Variants in RTF1 observed in about 807,000 individuals in gnomAD.
RTF1 encodes the protein RTF1 homolog, Paf1/RNA polymerase II complex component, also known as RNA polymerase-associated protein RTF1 homolog.
A neutral mutation model predicts 95.7 loss-of-function variants in RTF1; 10 were observed. That is an observed-to-expected ratio of 0.10 (90% CI 0.06 to 0.18). The LOEUF (loss-of-function observed/expected upper bound fraction) is 0.18. RTF1 is among the 10% of genes least tolerant of loss of function. RTF1 has a pLI of 1.00. For synonymous variants in RTF1, 305 were observed against 311.8 expected, an observed-to-expected ratio of 0.98 and a Z score of 0.23; for missense variants, 458 against 875.6, an observed-to-expected ratio of 0.52 and a Z score of 6.02.
chr15:41,436,379 C>T (rs2050702542), intron 1 of RTF1, among the ~76,000 whole-genome samples: 1 of 151,068 alleles, frequency 6.6e-6, no homozygotes, highest in African/African-American at 2.4e-5. Context: ...ATGGTGTGAA[C>T]CCGGGAGGCC....
At chr15:41,470,142 T>C in intron 6 of RTF1, 115 bp from the exon 7 acceptor site, 1 of 1,102,256 alleles carries the variant, frequency 9.1e-7, no homozygotes, top group African/African-American at 1.6e-5. Flanking sequence ...CACAATCCAG[T>C]CTAGAGAGGA....
At chr15:41,473,599 G>C (rs897962231) in intron 8 of RTF1, among the ~76,000 whole-genome samples, 1 of 152,056 alleles carries the variant, frequency 6.6e-6, no homozygotes, top group Non-Finnish European at 1.5e-5. Flanking sequence ...ATCTCGCCCT[G>C]TTGCCCAGGC....
chr15:41,423,428 A>C (rs545534727), intron 1 of RTF1, among the ~76,000 whole-genome samples: 1 of 140,324 alleles, frequency 7.1e-6, no homozygotes, highest in Non-Finnish European at 1.5e-5. Context: ...GCTGGAGAGC[A>C]ATGGCACGCT....
chr15:41,478,694 A>C (rs2140658055), intron 15 of RTF1, 69 bp downstream of exon 15: 1 of 1,265,438 alleles, frequency 7.9e-7, no homozygotes, highest in Admixed American at 1.7e-5. Flanking sequence ...TCCATTAGGA[A>C]ATTAATAATG....
intron 6 of RTF1, among the ~76,000 whole-genome samples, chr15:41,469,356 CTCTT>C (rs1054922632): frequency 3.3e-5 from 5 of 151,616 alleles, no homozygotes; most frequent in Middle Eastern, 3.4e-3. Context: ...AGTTTTCTCT[CTCTT>C]TTTTTTTTAG....
At chr15:41,460,661 G>A (rs2050842817) in intron 4 of RTF1, among the ~76,000 whole-genome samples, 1 of 151,972 alleles carries the variant, frequency 6.6e-6, no homozygotes, top group South Asian at 2.1e-4. Context: ...TTACGTGAAT[G>A]AGACAGTTGA....
At chr15:41,465,724 A>G (rs2050877420) in intron 5 of RTF1, among the ~76,000 whole-genome samples, 2 of 152,156 alleles carry the variant, frequency 1.3e-5, no homozygotes, top group Non-Finnish European at 2.9e-5. Context: ...CCAGATGCTT[A>G]TGATGTTTAC....
At chr15:41,431,346 C>T (rs2050671593) in intron 1 of RTF1, among the ~76,000 whole-genome samples, 1 of 151,440 alleles carries the variant, frequency 6.6e-6, no homozygotes, top group African/African-American at 2.4e-5. Flanking sequence ...TCCCAAGTAG[C>T]TGGGATTACA....
Position 41,480,615 on chromosome 15 carries a change from G to A in RTF1, c.2061G>A (p.Pro687=), listed in dbSNP as rs202008270. The change falls in exon 18 of 18, where the codon CCG becomes CCA. Residue 687 remains proline (P), a synonymous_variant. Transcript: ENST00000389629. ...SKALAITSKA[P]PAKDGAPRRS... ...CTTTAGCCATCACCTCCAAGGCTCC[G>A]CCAGCCAAGGATGGGGCTCCAAGGA... 1.0e-4 allele frequency: 165 copies of A among 1,614,010 alleles called. No homozygotes were observed. The East Asian group carries it at 1.2e-3, about 12-fold the overall frequency.
At chr15:41,473,740 CT>C (rs2050927729) in intron 8 of RTF1, among the ~76,000 whole-genome samples, 1 of 150,574 alleles carries the variant, frequency 6.6e-6, no homozygotes, top group Non-Finnish European at 1.5e-5. Context: ...TTTTTTTTTT[CT>C]TTTTTGTAGA....
At position 41,437,278 on chromosome 15, in the gene RTF1, G is replaced by A. The variant is rs148984591; in HGVS notation, c.199-1043G>A. Among the ~76,000 whole-genome samples, 580 of 151,142 alleles carry A rather than the reference G, an allele frequency of 3.8e-3. 17 individuals are homozygous for A. Among genetic ancestry groups the A allele is most frequent in the Admixed American group, 0.029 (432 of 15,130 alleles). On this transcript the variant is annotated intron_variant, in intron 1 of 17. Transcript: ENST00000389629. ...TGGGATGCCAAGGCGGGCGGATCAC[G>A]AGGTCAGGAGATCGAGAGCATCCTG...
intron 9 of RTF1, 90 bp from the exon 10 acceptor site, chr15:41,475,425 AATAGGTATAT>A: frequency 8.1e-6 from 7 of 862,860 alleles, no homozygotes; most frequent in Middle Eastern, 2.3e-4. Flanking sequence ...GAACCACTGC[AATAGGTATAT>A]ATAGGTGGTA....
rs1351893941 is a variant in RTF1 at position 41,457,545 on chromosome 15, A to G, written c.458-127A>G. ...CATCTCAAAAAAAAAGTAAAAACAA[A>G]TAAGTAAAATAACAAACTGGTTTCT... On this transcript the variant is annotated intron_variant, in intron 3 of 17. Transcript: ENST00000389629. The G allele has an allele frequency of 1.8e-5, 16 of 883,674 alleles. No homozygotes were observed. The Admixed American group carries it at 2.9e-4, about 16-fold the overall frequency. 54.7% of individuals were successfully genotyped at this position (883,674 alleles called of 1,614,324 possible). A position where few individuals can be genotyped will look rare whatever the true frequency, so the allele number is the denominator to read the frequency against.
At chr15:41,438,478 C>A in intron 2 of RTF1, 47 bp downstream of exon 2, 1 of 1,309,106 alleles carries the variant, frequency 7.6e-7, no homozygotes, top group Non-Finnish European at 1.1e-6. Flanking sequence ...ATAGTTGAGG[C>A]TCCTCGCTTT....
intron 2 of RTF1, among the ~76,000 whole-genome samples, chr15:41,438,803 G>C (rs1213635312): frequency 1.3e-5 from 2 of 151,704 alleles, no homozygotes; most frequent in Non-Finnish European, 2.9e-5. Flanking sequence ...AGAGGTTGCA[G>C]TGAGCCGGGA....
At chr15:41,438,289 C>G (rs1436897796) in intron 1 of RTF1, 32 bp from the exon 2 acceptor site, 1 of 1,423,380 alleles carries the variant, frequency 7.0e-7, no homozygotes, top group African/African-American at 1.4e-5. Context: ...CTCTGTTGAA[C>G]AAAACTGATG....
At chr15:41,472,459 G>A (rs1229853077) in intron 8 of RTF1, among the ~76,000 whole-genome samples, 7 of 151,300 alleles carry the variant, frequency 4.6e-5, no homozygotes, top group Non-Finnish European at 7.4e-5. Context: ...CACCTGTCTC[G>A]GCCTCCCAAA....
chr15:41,436,735 A>C (rs2050705320), intron 1 of RTF1, among the ~76,000 whole-genome samples: 1 of 152,004 alleles, frequency 6.6e-6, no homozygotes. Flanking sequence ...TGGAGGTTGC[A>C]GTCAGCCGAG....
At chr15:41,466,355 TC>T in intron 6 of RTF1, 103 bp downstream of exon 6, 1 of 699,220 alleles carries the variant, frequency 1.4e-6, no homozygotes, top group Non-Finnish European at 2.3e-6. Context: ...CATATAAAAT[TC>T]CAGCACATAC....
Sources: allele counts gnomAD v4.1 joint callset (sites outside exome capture counted in the v4.1 genomes callset), GRCh38; gene constraint gnomAD v4.1.1; transcripts MANE v1.5; gene names NCBI Gene and HGNC (gene_info 2026-07-23, HGNC 2026-07-21).